OPTN: variants seen among roughly 807,000 people sequenced by gnomAD.
OPTN encodes the protein optineurin.
Under a neutral mutation model 70.4 loss-of-function variants are expected in OPTN, and 54 were observed. That is an observed-to-expected ratio of 0.77 (90% confidence interval 0.62 to 0.96). The LOEUF (loss-of-function observed/expected upper bound fraction) is 0.96. Ranked by LOEUF, OPTN falls within the 40% of genes least tolerant of loss-of-function variation. The pLI is 0.00. For missense variants in OPTN, 624 were observed against 673.2 expected (o/e 0.93, Z 0.81); for synonymous variants, 256 against 248.5 (o/e 1.03, Z -0.28).
chr10:13,117,416 CTTTTTTTTTTT>C (rs531259062), intron 6 of OPTN, among the ~76,000 whole-genome samples: 1 of 110,244 alleles, frequency 9.1e-6, no homozygotes, highest in Non-Finnish European at 1.9e-5. Context: ...AGAGATCCAT[CTTTTTTTTTTT>C]TTTGAGATGG....
At chr10:13,123,844 C>T (rs959553618) in intron 8 of OPTN, 151 bp from the exon 9 acceptor site, 1 of 658,522 alleles carries the variant, frequency 1.5e-6, no homozygotes, top group Non-Finnish European at 2.8e-6. Flanking sequence ...CATTCTTTTC[C>T]TACACAATGT....
At chr10:13,129,789 T>G (rs1462470950) in intron 12 of OPTN, among the ~76,000 whole-genome samples, 1 of 152,204 alleles carries the variant, frequency 6.6e-6, no homozygotes, top group Non-Finnish European at 1.5e-5. Context: ...TTTAAAAACC[T>G]TGGCCAATCT....
Position 13,125,449 on chromosome 10 carries a change from A to G in OPTN, c.1030A>G (p.Ile344Val). ...CQALERKNSA[I>V]PSELNEKQEL... Reference sequence around the variant, plus strand: ...GGCCCTTGAAAGGAAAAATTCTGCAATTCCATCAGAGTTGAATGAAAAGCA... The same window carrying G: ...GGCCCTTGAAAGGAAAAATTCTGCAGTTCCATCAGAGTTGAATGAAAAGCA... The change falls in exon 10 of 15, where the codon ATT (isoleucine) becomes GTT (valine). Residue 344 changes from isoleucine to valine, a missense_variant. Physicochemically the swap from Ile to Val is conservative, Grantham distance 29. Coordinates refer to ENST00000378747, the MANE Select transcript of OPTN (RefSeq NM_001008212.2). 1.9e-6 allele frequency: 3 copies of G among 1,614,170 alleles called. No individual in the cohort carries two copies. Among genetic ancestry groups the G allele is most frequent in the African/African-American group, 1.3e-5 (1 of 75,064 alleles).
At chr10:13,115,115 A>G (rs867809798) in intron 5 of OPTN, among the ~76,000 whole-genome samples, 1 of 80,254 alleles carries the variant, frequency 1.2e-5, no homozygotes, top group Non-Finnish European at 2.0e-5. Context: ...TATATATATT[A>G]TATATATATA....
intron 11 of OPTN, 119 bp downstream of exon 11, chr10:13,126,158 A>G (rs934440732): frequency 1.6e-5 from 11 of 701,138 alleles, no homozygotes; most frequent in Non-Finnish European, 2.8e-5. Context: ...GTTGTTTTCC[A>G]ATGTATCATT....
intron 3 of OPTN, chr10:13,109,673 A>T (rs1832951388): frequency 6.4e-6 from 1 of 155,370 alleles, no homozygotes; most frequent in Non-Finnish European, 1.4e-5. Flanking sequence ...AAAAAAATTA[A>T]AAAAAAAAAA....
rs1182571824 is a variant in OPTN, at chr10:13,114,833, T to C, written c.553-1434T>C. 9.7e-5 allele frequency among the ~76,000 whole-genome samples: 11 copies of C among 113,502 alleles called. 1 individual carries two copies. The highest frequency in any genetic ancestry group is 3.1e-4 in the African/African-American group (9 of 29,398). The allele number at this position is 113,502 out of a possible 152,430, so 74.5% of individuals were successfully genotyped here. A position where few individuals can be genotyped will look rare whatever the true frequency, so the allele number is the denominator to read the frequency against. ...ATATAATTATATAATTATATAATTA[T>C]ATAATTATATAATTGTATAATATAT... is the stretch of plus-strand genomic sequence containing the variant. On this transcript the variant is annotated intron_variant, in intron 5 of 14. Transcript: ENST00000378747.
At chr10:13,117,871 G>C (rs950546987) in intron 6 of OPTN, among the ~76,000 whole-genome samples, 2 of 152,346 alleles carry the variant, frequency 1.3e-5, no homozygotes, top group Middle Eastern at 3.4e-3. Context: ...AAGAAAGTAA[G>C]TATTAGATAA....
intron 11 of OPTN, among the ~76,000 whole-genome samples, chr10:13,126,989 A>T (rs1588448975): frequency 6.6e-6 from 1 of 152,136 alleles, no homozygotes; most frequent in Non-Finnish European, 1.5e-5. Context: ...ACGCCACTGT[A>T]CTCCAGCCTG....
intron 3 of OPTN, 136 bp downstream of exon 3, chr10:13,109,424 T>C: frequency 1.2e-6 from 1 of 853,178 alleles, no homozygotes; most frequent in South Asian, 1.6e-5. Flanking sequence ...GCACAGGATT[T>C]AGCATTTGGC....
rs1320588696 is a variant in OPTN, at chr10:13,133,532, T to C, written c.1563T>C (p.His521=). ...CCTTGATGGAGATGCAGAGTCGTCATGGGGCGAGAACAAGTGACTCTGACC... is the reference window on the plus strand; with the variant it reads ...CCTTGATGGAGATGCAGAGTCGTCACGGGGCGAGAACAAGTGACTCTGACC... ...RQSLMEMQSR[H]GARTSDSDQQ... is the part of the protein sequence containing the mutation. Residue 521 remains histidine (H), a synonymous_variant, in exon 14 of 15, where the codon CAT becomes CAC. Coordinates refer to ENST00000378747, the MANE Select transcript of OPTN (RefSeq NM_001008212.2). The C allele has an allele frequency of 2.5e-6, 4 of 1,614,050 alleles. No homozygotes were observed. Among genetic ancestry groups the C allele is most frequent in the Admixed American group, 3.3e-5 (2 of 60,004 alleles).
At chr10:13,110,580 A>G (rs1397148509) in intron 4 of OPTN, 104 bp downstream of exon 4, 2 of 1,178,530 alleles carry the variant, frequency 1.7e-6, no homozygotes, top group Middle Eastern at 2.5e-4. Context: ...TTCATGGTTC[A>G]GTCTGGATTG....
chr10:13,112,821 G>A (rs12218266), intron 5 of OPTN, among the ~76,000 whole-genome samples, 186 bp downstream of exon 5: 1 of 151,814 alleles, frequency 6.6e-6, no homozygotes, highest in East Asian at 1.9e-4. Flanking sequence ...TAGCTAAAAT[G>A]GAAAAATATT....
At chr10:13,125,218 C>CT (rs1342888151) in intron 9 of OPTN, among the ~76,000 whole-genome samples, 200 bp from the exon 10 acceptor site, 4 of 152,104 alleles carry the variant, frequency 2.6e-5, no homozygotes, top group Non-Finnish European at 4.4e-5. Context: ...TAGATCTGTA[C>CT]TTTTTTATGT....
intron 10 of OPTN, 69 bp downstream of exon 10, chr10:13,125,636 G>T: frequency 6.3e-7 from 1 of 1,578,684 alleles, no homozygotes; most frequent in South Asian, 1.1e-5. Context: ...ATACAGATTG[G>T]AATTCGGATT....
chr10:13,131,851 T>C (rs1390130007), intron 12 of OPTN, among the ~76,000 whole-genome samples: 1 of 152,226 alleles, frequency 6.6e-6, no homozygotes, highest in Non-Finnish European at 1.5e-5. Context: ...GTTGCAGGAT[T>C]TGTGTTGTTT....
intron 12 of OPTN, 24 bp from the exon 13 acceptor site, chr10:13,132,043 C>T (rs1833603530): frequency 6.2e-7 from 1 of 1,608,876 alleles, no homozygotes; most frequent in African/African-American, 1.3e-5. Flanking sequence ...GTACTAACTT[C>T]TGTATCTTTT....
At chr10:13,109,612 G>A in intron 3 of OPTN, 1 of 297,192 alleles carries the variant, frequency 3.4e-6, no homozygotes, top group Non-Finnish European at 6.4e-6. Flanking sequence ...GATTGCTTGA[G>A]TACAGGAGTT....
At chr10:13,120,912 C>T (rs918442817) in intron 7 of OPTN, among the ~76,000 whole-genome samples, 13 of 152,126 alleles carry the variant, frequency 8.5e-5, no homozygotes, top group African/African-American at 3.1e-4. Context: ...TGGCGGAAAG[C>T]GAAGGGGAAG....
Sources: gnomAD v4.1 joint callset for allele counts (sites outside exome capture counted in the v4.1 genomes callset) on GRCh38, gnomAD v4.1.1 for gene constraint, MANE v1.5 for transcripts, NCBI Gene and HGNC (gene_info 2026-07-23, HGNC 2026-07-21) for gene names.